Variants in FYCO1 observed in about 807,000 individuals in gnomAD.
The protein encoded by FYCO1 is FYVE and coiled-coil domain autophagy adaptor 1, also known as FYVE and coiled-coil domain-containing protein 1.
FYCO1 carries 122 observed loss-of-function variants against 165.1 expected under a neutral mutation model. The ratio of observed to expected loss-of-function variants is 0.74; its 90% confidence interval spans 0.64 to 0.86. The LOEUF (loss-of-function observed/expected upper bound fraction) is 0.86, where lower values mean the gene tolerates loss of function less well. Ranked by LOEUF, FYCO1 falls within the 40% of genes least tolerant of loss-of-function variation. The probability of loss-of-function intolerance (pLI) is 0.00; values close to 1 mark genes in which losing one functional copy is unlikely to be tolerated. For missense variants in FYCO1, 1,702 were observed against 1,810.3 expected, an observed-to-expected ratio of 0.94 and a Z score of 1.09; for synonymous variants, 648 against 742.5, an observed-to-expected ratio of 0.87 and a Z score of 2.07.
intron 14 of FYCO1, among the ~76,000 whole-genome samples, chr3:45,944,091 T>A (rs1198606792): frequency 6.6e-6 from 1 of 152,202 alleles, no homozygotes; most frequent in Non-Finnish European, 1.5e-5. Context: ...TCACATAGTT[T>A]ATCATGAACT....
chr3:45,975,680 G>C (rs1303207126), intron 4 of FYCO1, among the ~76,000 whole-genome samples: 1 of 152,164 alleles, frequency 6.6e-6, no homozygotes, highest in African/African-American at 2.4e-5. Context: ...AGAATCTCTG[G>C]GTTTGGAGTC....
intron 11 of FYCO1, among the ~76,000 whole-genome samples, chr3:45,960,890 C>T (rs1705665796): frequency 6.6e-6 from 1 of 152,044 alleles, no homozygotes. Context: ...GTCTCACTCC[C>T]AGAAATTCCA....
chr3:45,967,846 C>T lies in FYCO1; in HGVS notation c.1488G>A (p.Gln496=), dbSNP rs868816281. The change falls in exon 8 of 18, where the codon CAG becomes CAA. Residue 496 remains glutamine, a synonymous_variant. Transcript: ENST00000296137. ...CCAGCAGCTCCTTCTCCTCCTGTTG[C>T]TGTTTTTTCTCCCGCCTCAACTCTG... ...ELAELRREKK[Q]QQEEKELLEQ... 3.7e-6 allele frequency: 6 copies of T among 1,614,118 alleles called. No homozygotes were observed. In the Middle Eastern group the frequency reaches 6.6e-4, roughly 178 times the overall value.
chr3:45,984,917 T>G lies in FYCO1; in HGVS notation c.-7A>C. 1 of 1,613,984 alleles carries G rather than the reference T, an allele frequency of 6.2e-7. No individual in the cohort carries two copies. The highest frequency in any genetic ancestry group is 8.5e-7 in the Non-Finnish European group (1 of 1,179,976). On this transcript the variant is annotated 5_prime_UTR_variant, in exon 2 of 18. Coordinates refer to ENST00000296137, the MANE Select transcript of FYCO1 (RefSeq NM_024513.4). ...CTGCATTGGTGGAGGCCATGGTGAGTTTGCCTTTCTTGTCTGTATGTCTCC... is the reference window on the plus strand; with the variant it reads ...CTGCATTGGTGGAGGCCATGGTGAGGTTGCCTTTCTTGTCTGTATGTCTCC...
At position 45,993,729 on chromosome 3, in the gene FYCO1, T is replaced by C. The variant is rs1707664279; in HGVS notation, c.-113+1993A>G. ...ACCTGCTGCCTAGGGCTGCTTGCAG[T>C]GAACGTGGTTCCTAAATCTAGGTGC... On this transcript the variant is annotated intron_variant, in intron 1 of 17. Transcript: ENST00000296137. The surrounding 1 kb of genome is among the most constrained non-coding windows in gnomAD (Gnocchi z 4.4). 6.6e-6 allele frequency among the ~76,000 whole-genome samples: 1 copy of C among 152,194 alleles called. No homozygotes were observed. Among genetic ancestry groups the C allele is most frequent in the South Asian group, 2.1e-4 (1 of 4,826 alleles).
chr3:45,921,328 G>A lies in FYCO1; in HGVS notation c.*437C>T. 1 of 282,138 alleles carries A rather than the reference G, an allele frequency of 3.5e-6. No individual in the cohort carries two copies. Among genetic ancestry groups the A allele is most frequent in the Non-Finnish European group, 6.9e-6 (1 of 144,854 alleles). 17.5% of individuals were successfully genotyped at this position (282,138 alleles called of 1,614,324 possible). A position where few individuals can be genotyped will look rare whatever the true frequency, so the allele number is the denominator to read the frequency against. On this transcript the variant is annotated 3_prime_UTR_variant, in exon 18 of 18. Transcript: ENST00000296137. ...CACAGCCTGAGGATTCACAGGGCAT[G>A]GCCAGTGCACCCAGCTCAGTCTCCA...
chr3:45,921,535 G>C lies in FYCO1; in HGVS notation c.*230C>G, dbSNP rs1703090089. ...TCCCTTTGGGTGTGACAACAGCTGA[G>C]TCTCTACTTAATGGAAACATTGCCT... On this transcript the variant is annotated 3_prime_UTR_variant, in exon 18 of 18. Coordinates refer to ENST00000296137, the MANE Select transcript of FYCO1 (RefSeq NM_024513.4). 1 of 539,608 alleles carries C rather than the reference G, an allele frequency of 1.9e-6. No homozygotes were observed. Among genetic ancestry groups the C allele is most frequent in the Non-Finnish European group, 3.4e-6 (1 of 296,912 alleles). The allele number at this position is 539,608 out of a possible 1,614,324, so 33.4% of individuals were successfully genotyped here. A position where few individuals can be genotyped will look rare whatever the true frequency, so the allele number is the denominator to read the frequency against.
intron 16 of FYCO1, among the ~76,000 whole-genome samples, chr3:45,924,782 T>G (rs1434615921): frequency 6.6e-6 from 1 of 151,914 alleles, no homozygotes; most frequent in Non-Finnish European, 1.5e-5. Flanking sequence ...CCAGCTAATT[T>G]TTGTATTTTT....
chr3:45,966,140 C>T (rs1705996513), intron 8 of FYCO1, 137 bp downstream of exon 8: 1 of 843,374 alleles, frequency 1.2e-6, no homozygotes. Flanking sequence ...TAGGAAAGGG[C>T]CACAAGGTGT....
At position 45,966,424 on chromosome 3, in the gene FYCO1, T is replaced by TGCCTTGGCCGCC. The variant is rs1251239438; in HGVS notation, c.2898_2909dup (p.Lys969_Ala972dup). 1 of 1,613,098 alleles carries TGCCTTGGCCGCC rather than the reference T, an allele frequency of 6.2e-7. No homozygotes were observed. Among genetic ancestry groups the TGCCTTGGCCGCC allele is most frequent in the Non-Finnish European group, 8.5e-7 (1 of 1,179,220 alleles). ...GCAGGCCAGGCAGTGAGCCGGCTGC[T>TGCCTTGGCCGCC]GCCTTGGCCGCCTTCAGCTTCTCCT... On this transcript the variant is annotated inframe_insertion, in exon 8 of 18. Coordinates refer to ENST00000296137, the MANE Select transcript of FYCO1 (RefSeq NM_024513.4).
At chr3:45,947,880 T>G (rs1270305288) in intron 14 of FYCO1, 1 of 240,316 alleles carries the variant, frequency 4.2e-6, no homozygotes, top group Non-Finnish European at 8.8e-6. Flanking sequence ...GGTGGCACAC[T>G]GGGTGCCCAA....
At chr3:45,933,188 T>C (rs1189395046) in intron 15 of FYCO1, among the ~76,000 whole-genome samples, 1 of 152,236 alleles carries the variant, frequency 6.6e-6, no homozygotes, top group African/African-American at 2.4e-5. Context: ...ATAAGGCTCA[T>C]GTCACAGATG....
intron 8 of FYCO1, 140 bp downstream of exon 8, chr3:45,966,136 AG>A: frequency 1.2e-6 from 1 of 804,334 alleles, no homozygotes; most frequent in Non-Finnish European, 2.1e-6. Flanking sequence ...GTGATAGGAA[AG>A]GGCCACAAGG....
chr3:45,957,410 A>G (rs1051414984), intron 13 of FYCO1, among the ~76,000 whole-genome samples: 1 of 152,268 alleles, frequency 6.6e-6, no homozygotes, highest in Non-Finnish European at 1.5e-5. Flanking sequence ...ATTGGACCTC[A>G]TTAAAATGAT....
intron 14 of FYCO1, among the ~76,000 whole-genome samples, chr3:45,943,939 A>G (rs1463268755): frequency 6.6e-6 from 1 of 152,232 alleles, no homozygotes; most frequent in Non-Finnish European, 1.5e-5. Context: ...TTCAATATAA[A>G]TCAACATACT....
At position 45,965,655 on chromosome 3, in the gene FYCO1, G is replaced by A. The variant is rs73830669; in HGVS notation, c.3058-530C>T. Among the ~76,000 whole-genome samples, 332 of 152,364 alleles carry A rather than the reference G, an allele frequency of 2.2e-3. 4 individuals are homozygous for A. Among genetic ancestry groups the A allele is most frequent in the African/African-American group, 6.9e-3 (289 of 41,594 alleles). On this transcript the variant is annotated intron_variant, in intron 8 of 17. Coordinates refer to ENST00000296137, the MANE Select transcript of FYCO1 (RefSeq NM_024513.4). The stretch of plus-strand genomic sequence containing the variant: ...GGCCTTGTAAAAATGAAGTGAGCTT[G>A]TTCCCTTCCCTGTATCTGCTGTCAG...
At chr3:45,949,548 C>A (rs1308301950) in intron 14 of FYCO1, among the ~76,000 whole-genome samples, 1 of 152,180 alleles carries the variant, frequency 6.6e-6, no homozygotes, top group Non-Finnish European at 1.5e-5. Flanking sequence ...GCTCCACCAC[C>A]ATGTACCCCT....
chr3:45,959,595 G>C, intron 11 of FYCO1, 53 bp from the exon 12 acceptor site: 1 of 1,561,734 alleles, frequency 6.4e-7, no homozygotes, highest in Non-Finnish European at 8.8e-7. Flanking sequence ...GAAAACAATA[G>C]GATGATCCTT....
At chr3:45,965,007 G>A (rs770017818) in intron 9 of FYCO1, 26 bp downstream of exon 9, 3 of 1,593,528 alleles carry the variant, frequency 1.9e-6, no homozygotes, top group Non-Finnish European at 2.6e-6. Context: ...CCCTCTCCCT[G>A]ACAGGTCTAC....
Sources: allele counts gnomAD v4.1 joint callset (sites outside exome capture counted in the v4.1 genomes callset), GRCh38; gene constraint gnomAD v4.1.1; non-coding constraint Gnocchi (gnomAD v3.1); transcripts MANE v1.5; gene names NCBI Gene and HGNC (gene_info 2026-07-23, HGNC 2026-07-21).